BCAS4: variants seen among roughly 807,000 people sequenced by gnomAD.
The protein encoded by BCAS4 is breast carcinoma-amplified sequence 4.
A neutral mutation model predicts 15.7 loss-of-function variants in BCAS4; 9 were observed. The observed-to-expected ratio is 0.57, with a 90% CI of 0.34 to 1.00. The LOEUF (loss-of-function observed/expected upper bound fraction) is 1.00, where lower values mean the gene tolerates loss of function less well. Among genes scored for constraint, BCAS4 ranks in the 50% least tolerant of loss-of-function variants. The pLI, the probability that BCAS4 is intolerant of heterozygous loss-of-function variation, is 0.02. For missense variants in BCAS4, 225 were observed against 239.1 expected (o/e 0.94, Z 0.39); for synonymous variants, 101 against 99.5 (o/e 1.02, Z -0.09).
At chr20:50,803,086 C>T (rs1410259036) in intron 1 of BCAS4, among the ~76,000 whole-genome samples, 1 of 152,146 alleles carries the variant, frequency 6.6e-6, no homozygotes, top group Non-Finnish European at 1.5e-5. Flanking sequence ...GAGGCTGGGG[C>T]ATGAGAATCG....
At position 50,863,405 on chromosome 20, in the gene BCAS4, G is replaced by A. The variant is rs149359630; in HGVS notation, c.400-13081G>A. On this transcript the variant is annotated intron_variant, in intron 4 of 4. Coordinates refer to ENST00000371608, the MANE Select transcript of BCAS4 (RefSeq NM_198799.4). The stretch of plus-strand genomic sequence containing the variant: ...CCCCAGTAGCTGGGATTACAGGTGC[G>A]TGCCACTATGCCTGGCTATTTTTTG... Among the ~76,000 whole-genome samples the A allele has an allele frequency of 8.1e-4, 123 of 151,012 alleles. 1 individual carries two copies. Among genetic ancestry groups the A allele is most frequent in the Middle Eastern group, 3.5e-3 (1 of 284 alleles).
rs1979974313 is a variant in BCAS4 at position 50,876,742 on chromosome 20, C to G, written c.*134C>G. 3 of 1,170,384 alleles carry G rather than the reference C, an allele frequency of 2.6e-6. No homozygotes were observed. Among genetic ancestry groups the G allele is most frequent in the Non-Finnish European group, 3.4e-6 (3 of 890,912 alleles). The allele number at this position is 1,170,384 out of a possible 1,614,324, so 72.5% of individuals were successfully genotyped here. ...AAAAAAATGTCGAGATGGGGTCTCA[C>G]TATGTTGTCCAGACTGATCTCAAAC... On this transcript the variant is annotated 3_prime_UTR_variant, in exon 5 of 5. Transcript: ENST00000371608.
intron 1 of BCAS4, 30 bp from the exon 2 acceptor site, chr20:50,818,181 C>T (rs745729982): frequency 3.7e-6 from 6 of 1,603,656 alleles, no homozygotes; most frequent in Non-Finnish European, 5.1e-6. Context: ...AAACCACTTG[C>T]TAATCTCCAG....
intron 3 of BCAS4, 59 bp from the exon 4 acceptor site, chr20:50,841,707 G>A: frequency 6.2e-7 from 1 of 1,611,272 alleles, no homozygotes; most frequent in Non-Finnish European, 8.5e-7. Context: ...AGGGAGTGTG[G>A]CCAGGAATGG....
At chr20:50,817,945 TG>T (rs1216894038) in intron 1 of BCAS4, among the ~76,000 whole-genome samples, 1 of 151,972 alleles carries the variant, frequency 6.6e-6, no homozygotes, top group Non-Finnish European at 1.5e-5. Context: ...CGGGTAGCTT[TG>T]TTATTTCCTG....
At chr20:50,878,521 A>C, downstream of BCAS4, 1 of 148,888 alleles carries the variant, frequency 6.7e-6, no homozygotes, top group Non-Finnish European at 1.5e-5. Flanking sequence ...TTTAAATGAG[A>C]CACCTGTCAC....
intron 3 of BCAS4, among the ~76,000 whole-genome samples, chr20:50,833,723 C>T (rs955141473): frequency 6.6e-6 from 1 of 152,206 alleles, no homozygotes; most frequent in Non-Finnish European, 1.5e-5. Context: ...CACCCAAATC[C>T]TTGTCGTATT....
downstream of BCAS4, chr20:50,878,700 A>G (rs1980051179): frequency 6.6e-6 from 1 of 152,094 alleles, no homozygotes; most frequent in Non-Finnish European, 1.5e-5. Context: ...GGGTCTCCCT[A>G]TGTTGTTCAG....
Position 50,876,521 on chromosome 20 carries a change from G to A in BCAS4, c.435G>A (p.Leu145=), listed in dbSNP as rs754382667. 1 of 1,614,004 alleles carries A rather than the reference G, an allele frequency of 6.2e-7. No individual in the cohort carries two copies. Among genetic ancestry groups the A allele is most frequent in the Non-Finnish European group, 8.5e-7 (1 of 1,179,968 alleles). The part of the protein sequence containing the change: ...SPAPVPVTYE[L]PTLYRTEDYF... ...CACCGGTGCCCGTGACGTACGAGCT[G>A]CCCACACTGTATAGGACGGAGGACT... The change falls in exon 5 of 5, where the codon CTG becomes CTA. Residue 145 remains leucine (L), a synonymous_variant. Transcript: ENST00000371608.
At chr20:50,820,681 C>T (rs922273475) in intron 2 of BCAS4, among the ~76,000 whole-genome samples, 15 of 152,158 alleles carry the variant, frequency 9.9e-5, no homozygotes, top group African/African-American at 2.2e-4. Flanking sequence ...TGTGGACAGG[C>T]GGAGAGACCC....
chr20:50,824,829 A>G (rs1385441624), intron 2 of BCAS4, among the ~76,000 whole-genome samples: 2 of 152,086 alleles, frequency 1.3e-5, no homozygotes, highest in African/African-American at 4.8e-5. Flanking sequence ...AGGTCTCCTG[A>G]TTTTTCACAA....
At chr20:50,820,812 G>C (rs2088204215) in intron 2 of BCAS4, among the ~76,000 whole-genome samples, 1 of 152,186 alleles carries the variant, frequency 6.6e-6, no homozygotes, top group Admixed American at 6.5e-5. Flanking sequence ...TCGAAGCCTG[G>C]AGATGCTTCA....
chr20:50,835,956 C>T (rs142837017), intron 3 of BCAS4, among the ~76,000 whole-genome samples: 2,256 of 151,320 alleles, frequency 0.015, 55 homozygotes, highest in African/African-American at 0.052. Context: ...ATCGCTCTGT[C>T]GCCCAGGCTG....
chr20:50,846,010 G>A (rs936487133), intron 4 of BCAS4, among the ~76,000 whole-genome samples: 13 of 152,206 alleles, frequency 8.5e-5, no homozygotes, highest in Admixed American at 2.0e-4. Context: ...CCAGCTTTCC[G>A]ACTGGATCCT....
At chr20:50,795,775 T>C (rs1050351658) in intron 1 of BCAS4, among the ~76,000 whole-genome samples, 1 of 152,262 alleles carries the variant, frequency 6.6e-6, no homozygotes, top group Non-Finnish European at 1.5e-5. Context: ...ACAAAAGCAG[T>C]ACAGGAGTAT....
At position 50,795,138 on chromosome 20, in the gene BCAS4, C is replaced by T. The variant is rs1400311211; in HGVS notation, c.55C>T (p.Leu19Phe). The T allele has an allele frequency of 2.0e-6, 3 of 1,474,544 alleles. No individual in the cohort carries two copies. Among genetic ancestry groups the T allele is most frequent in the African/African-American group, 2.9e-5 (2 of 69,170 alleles). 91.3% of individuals were successfully genotyped at this position (1,474,544 alleles called of 1,614,324 possible). ...PEPMRSGARE[L>F]ALFLTPEPGA... ...GCCCATGCGCAGCGGGGCGCGCGAG[C>T]TCGCGCTCTTCCTGACCCCCGAGCC... The change falls in exon 1 of 5, where the codon CTC becomes TTC. Residue 19 changes from leucine (L) to phenylalanine (F), a missense_variant. Transcript: ENST00000371608.
upstream of BCAS4, chr20:50,795,038 C>T: frequency 1.4e-6 from 2 of 1,440,720 alleles, no homozygotes; most frequent in Non-Finnish European, 9.1e-7. Flanking sequence ...GGCGCAACCA[C>T]GGGCTCCCAG....
chr20:50,855,646 C>G (rs931738697), intron 4 of BCAS4, among the ~76,000 whole-genome samples: 1 of 151,922 alleles, frequency 6.6e-6, no homozygotes, highest in African/African-American at 2.4e-5. Context: ...CGTCCACCAG[C>G]CTGGCCGGCC....
chr20:50,838,508 G>A (rs2088437640), intron 3 of BCAS4, among the ~76,000 whole-genome samples: 1 of 152,272 alleles, frequency 6.6e-6, no homozygotes. Context: ...TCGGGAGTTC[G>A]AGGCCAGCCT....
Sources: gnomAD v4.1 joint callset for allele counts (sites outside exome capture counted in the v4.1 genomes callset) on GRCh38, gnomAD v4.1.1 for gene constraint, MANE v1.5 for transcripts, NCBI Gene and HGNC (gene_info 2026-07-23, HGNC 2026-07-21) for gene names.